The following MAGI1 variants were observed in gnomAD, a reference collection of about 807,000 sequenced individuals.
MAGI1 encodes membrane-associated guanylate kinase, WW and PDZ domain-containing protein 1.
MAGI1 carries 58 observed loss-of-function variants against 139.9 expected under a neutral mutation model. The observed-to-expected ratio is 0.41, with a 90% CI of 0.34 to 0.52. The LOEUF is 0.52. Ranked by LOEUF, MAGI1 falls within the 20% of genes least tolerant of loss-of-function variation. The pLI is 0.12. For missense variants in MAGI1, 1,874 were observed against 1,901.6 expected (o/e 0.99, Z 0.27); for synonymous variants, 812 against 737.9 (o/e 1.10, Z -1.63).
intron 1 of MAGI1, among the ~76,000 whole-genome samples, chr3:66,005,463 T>A (rs2066965287): frequency 6.6e-6 from 1 of 152,186 alleles, no homozygotes; most frequent in African/African-American, 2.4e-5. Flanking sequence ...ATCAGGATAA[T>A]ATCCTCATCT....
intron 2 of MAGI1, among the ~76,000 whole-genome samples, chr3:65,546,102 C>T (rs568532579): frequency 6.7e-4 from 102 of 152,222 alleles, no homozygotes; most frequent in African/African-American, 2.2e-3. Flanking sequence ...TCTATGCACA[C>T]GCACAATTGC....
intron 1 of MAGI1, among the ~76,000 whole-genome samples, chr3:65,730,900 C>G (rs1260907182): frequency 2.1e-5 from 3 of 144,844 alleles, no homozygotes; most frequent in Admixed American, 6.7e-5. Context: ...CCCACCCCCC[C>G]GGGGTTTTTG....
intron 1 of MAGI1, among the ~76,000 whole-genome samples, chr3:66,031,513 A>T (rs541257244): frequency 1.3e-5 from 2 of 152,160 alleles, no homozygotes; most frequent in African/African-American, 2.4e-5. Context: ...TTTTTAAATA[A>T]CACAGCCAAT....
intron 1 of MAGI1, among the ~76,000 whole-genome samples, chr3:65,946,299 C>A (rs2106893203): frequency 6.6e-6 from 1 of 152,384 alleles, no homozygotes. Context: ...TCGGGAACTA[C>A]AAGTCCTCGT....
At chr3:65,760,817 C>T (rs558387969) in intron 1 of MAGI1, among the ~76,000 whole-genome samples, 7 of 152,216 alleles carry the variant, frequency 4.6e-5, no homozygotes, top group African/African-American at 1.7e-4. Context: ...TAAGGAAGTT[C>T]TCATCAACAT....
chr3:65,973,391 C>T (rs1421872855), intron 1 of MAGI1, among the ~76,000 whole-genome samples: 4 of 152,090 alleles, frequency 2.6e-5, no homozygotes, highest in Non-Finnish European at 4.4e-5. Flanking sequence ...GGGTTGTACA[C>T]GATTTAATAA....
In MAGI1 at chr3:65,590,427, AC is replaced by A. The variant is rs1576411624; in HGVS notation, c.430+31544del. ...CTTGGTACTCCTTTGACCTTGTATA[AC>A]TGTAAAGAAATCTGAATTCACTCGG... On this transcript the variant is annotated intron_variant, in intron 2 of 22. Transcript: ENST00000402939. Among the ~76,000 whole-genome samples the A allele has an allele frequency of 2.0e-5, 3 of 152,262 alleles. No homozygotes were observed. The East Asian group carries it at 5.8e-4, about 29-fold the overall frequency.
chr3:65,963,141 G>A (rs756106989), intron 1 of MAGI1, among the ~76,000 whole-genome samples: 55 of 134,926 alleles, frequency 4.1e-4, no homozygotes, highest in Non-Finnish European at 7.1e-4. Flanking sequence ...AAACAGCCTG[G>A]CCAACACAGT....
chr3:65,616,136 A>C (rs896140612), intron 2 of MAGI1, among the ~76,000 whole-genome samples: 2 of 152,156 alleles, frequency 1.3e-5, no homozygotes, highest in Non-Finnish European at 2.9e-5. Context: ...AGAAACATTC[A>C]CTTCTTTGTT....
chr3:65,649,466 C>A lies in MAGI1; in HGVS notation c.314-27378G>T, dbSNP rs377242044. Among the ~76,000 whole-genome samples the A allele has an allele frequency of 4.9e-4, 74 of 152,204 alleles. 2 individuals carry two copies. In the South Asian group the frequency reaches 0.015, roughly 32 times the overall value. The stretch of plus-strand genomic sequence containing the variant: ...TTTTCTCACACCATGACAACAAAAC[C>A]ATAATCCATAAACGGAAAAAATAAT... On this transcript the variant is annotated intron_variant, in intron 1 of 22. Coordinates refer to ENST00000402939, the MANE Select transcript of MAGI1 (RefSeq NM_001033057.2).
intron 5 of MAGI1, among the ~76,000 whole-genome samples, chr3:65,463,558 ATGTGTGTGTGTGTGTGTGTGTGTGTG>A (rs56135171): frequency 7.1e-6 from 1 of 140,748 alleles, no homozygotes; most frequent in African/African-American, 2.7e-5. Flanking sequence ...TTGGCCTGAA[ATGTGTGTGTGTGTGTGTGTGTGTGTG>A]TGTGTGTGTG....
At chr3:65,488,111 C>T (rs1340147082) in intron 3 of MAGI1, among the ~76,000 whole-genome samples, 4 of 152,090 alleles carry the variant, frequency 2.6e-5, no homozygotes, top group Non-Finnish European at 4.4e-5. Flanking sequence ...AGAAGCCATC[C>T]TTCTAATCCT....
intron 1 of MAGI1, among the ~76,000 whole-genome samples, chr3:66,008,464 C>T (rs1280339244): frequency 6.6e-6 from 1 of 152,178 alleles, no homozygotes; most frequent in Non-Finnish European, 1.5e-5. Flanking sequence ...ACCTGGCAGG[C>T]ACAGCAATGC....
intron 1 of MAGI1, among the ~76,000 whole-genome samples, chr3:65,719,458 C>G (rs2032730640): frequency 6.6e-6 from 1 of 151,616 alleles, no homozygotes; most frequent in South Asian, 2.1e-4. Flanking sequence ...ATTGTGAACA[C>G]TGTTATATAT....
intron 1 of MAGI1, among the ~76,000 whole-genome samples, chr3:65,657,484 G>C (rs1343863427): frequency 1.3e-5 from 2 of 151,924 alleles, no homozygotes; most frequent in Admixed American, 1.3e-4. Flanking sequence ...GAGGAGTGGG[G>C]GAAGTGTCCT....
chr3:65,757,429 G>A (rs184526696), intron 1 of MAGI1, among the ~76,000 whole-genome samples: 5 of 152,324 alleles, frequency 3.3e-5, no homozygotes, highest in African/African-American at 7.2e-5. Flanking sequence ...TGGATCACCT[G>A]ATGTTCAAGA....
intron 1 of MAGI1, among the ~76,000 whole-genome samples, chr3:65,693,215 G>T (rs1410780311): frequency 6.6e-6 from 1 of 152,170 alleles, no homozygotes; most frequent in African/African-American, 2.4e-5. Context: ...AAAGTGCTGG[G>T]ATTATGGGTG....
intron 2 of MAGI1, among the ~76,000 whole-genome samples, chr3:65,618,766 G>T (rs568925422): frequency 2.2e-4 from 34 of 152,072 alleles, no homozygotes; most frequent in Non-Finnish European, 4.7e-4. Flanking sequence ...ATTGCTATGT[G>T]TATCTGATAA....
rs187445579 is a variant in MAGI1, at chr3:65,622,809, C to T, written c.314-721G>A. Reference sequence around the variant, plus strand: ...CTCAAACTCCCGGCCTCAAGTGATCCGCCCGCCTCGGCCTCCCAAAGTGTT... The same window carrying T: ...CTCAAACTCCCGGCCTCAAGTGATCTGCCCGCCTCGGCCTCCCAAAGTGTT... On this transcript the variant is annotated intron_variant, in intron 1 of 22. Transcript: ENST00000402939. Among the ~76,000 whole-genome samples the T allele has an allele frequency of 5.3e-5, 8 of 152,212 alleles. No individual in the cohort carries two copies. The East Asian group carries it at 9.7e-4, about 18-fold the overall frequency.
Sources: gnomAD v4.1 joint callset for allele counts (sites outside exome capture counted in the v4.1 genomes callset) on GRCh38, gnomAD v4.1.1 for gene constraint, MANE v1.5 for transcripts, NCBI Gene and HGNC (gene_info 2026-07-23, HGNC 2026-07-21) for gene names.